Variants in OR9Q1 observed in about 807,000 individuals in gnomAD.
OR9Q1 encodes the protein olfactory receptor family 9 subfamily Q member 1.
For synonymous variants in OR9Q1, 153 were observed against 148.6 expected, an observed-to-expected ratio of 1.03 and a Z score of -0.22; for missense variants, 374 against 378.8, an observed-to-expected ratio of 0.99 and a Z score of 0.11.
chr11:58,155,138 G>A (rs1854395995), intron 2 of OR9Q1, among the ~76,000 whole-genome samples: 1 of 152,170 alleles, frequency 6.6e-6, no homozygotes, highest in African/African-American at 2.4e-5. Flanking sequence ...GCAGGCTGAA[G>A]ACTCAGGGAA....
chr11:58,117,104 G>C (rs1442067302), intron 2 of OR9Q1: 3 of 152,134 alleles, frequency 2.0e-5, no homozygotes, highest in Non-Finnish European at 2.9e-5. Flanking sequence ...ATTCTAGCAA[G>C]GGTCCAGGGT....
chr11:58,109,498 A>G (rs1169687227), intron 2 of OR9Q1: 1 of 462,120 alleles, frequency 2.2e-6, no homozygotes, highest in East Asian at 6.8e-5. Context: ...GGGGGTGTGG[A>G]GTTGGGCATC....
intron 2 of OR9Q1, among the ~76,000 whole-genome samples, chr11:58,094,155 C>A (rs1366171448): frequency 6.6e-6 from 1 of 152,100 alleles, no homozygotes; most frequent in African/African-American, 2.4e-5. Flanking sequence ...ATGGATGGAA[C>A]TGGAGGCCAT....
intron 2 of OR9Q1, chr11:58,109,795 C>A (rs561175078): frequency 8.6e-6 from 3 of 349,084 alleles, no homozygotes; most frequent in African/African-American, 6.4e-5. Context: ...AAGTATTTAC[C>A]ATCTTGAGTC....
chr11:58,025,729 GGT>G (rs1852967292), intron 1 of OR9Q1, among the ~76,000 whole-genome samples: 2 of 152,186 alleles, frequency 1.3e-5, no homozygotes, highest in Admixed American at 1.3e-4. Context: ...TCAGTTAGAA[GGT>G]GGTGGAGCTG....
chr11:58,034,783 C>T (rs370872282), intron 1 of OR9Q1, among the ~76,000 whole-genome samples: 712 of 15,870 alleles, frequency 0.045, 9 homozygotes, highest in Middle Eastern at 0.16. Context: ...CCTTCCCTCC[C>T]TCCTTTCTCC....
chr11:58,161,438 G>A lies in OR9Q1; in HGVS notation c.-14-17993G>A, dbSNP rs75488964. Among the ~76,000 whole-genome samples, 8 of 152,146 alleles carry A rather than the reference G, an allele frequency of 5.3e-5. No individual in the cohort carries two copies. In the East Asian group the frequency reaches 1.4e-3, roughly 26 times the overall value. ...CAGAAAATACTGCCTGAATTCTCAC[G>A]GGATTTCCAGTGGGAAATCTTCAGC... On this transcript the variant is annotated intron_variant, in intron 2 of 2. Transcript: ENST00000335397.
In OR9Q1 at chr11:58,179,422, A is replaced by G; in HGVS notation, c.-14-9A>G. ...CTTCCTAACTTGCTTCCCATTCTAC[A>G]TGTCTCAGGGACCACTGGTGTCATG... On this transcript the variant is annotated splice_polypyrimidine_tract_variant and intron_variant, in intron 2 of 2. Coordinates refer to ENST00000335397, the MANE Select transcript of OR9Q1 (RefSeq NM_001005212.4). 6 of 1,492,356 alleles carry G rather than the reference A, an allele frequency of 4.0e-6. No homozygotes were observed. The highest frequency in any genetic ancestry group is 5.4e-6 in the Non-Finnish European group (6 of 1,105,422). The allele number at this position is 1,492,356 out of a possible 1,614,324, so 92.4% of individuals were successfully genotyped here.
intron 2 of OR9Q1, chr11:58,119,331 G>C (rs200916365): frequency 1.1e-5 from 17 of 1,613,686 alleles, no homozygotes; most frequent in Middle Eastern, 1.7e-4. Flanking sequence ...TCCCAAGAAG[G>C]GTGACTAGGT....
chr11:58,112,359 A>G (rs1011018794), intron 2 of OR9Q1, among the ~76,000 whole-genome samples: 2 of 152,202 alleles, frequency 1.3e-5, no homozygotes, highest in African/African-American at 4.8e-5. Context: ...TAAGTGATTC[A>G]ATATGGGAAC....
At chr11:58,166,027 C>T (rs531245293) in intron 2 of OR9Q1, among the ~76,000 whole-genome samples, 30 of 152,274 alleles carry the variant, frequency 2.0e-4, no homozygotes, top group South Asian at 4.1e-4. Flanking sequence ...CGGTGGGTCA[C>T]CAAAAAGTCT....
intron 2 of OR9Q1, among the ~76,000 whole-genome samples, chr11:58,156,918 T>A (rs1854413524): frequency 6.6e-6 from 1 of 152,188 alleles, no homozygotes; most frequent in South Asian, 2.1e-4. Context: ...AGGGAAAGGG[T>A]GTGGATGATG....
At chr11:58,061,759 A>G (rs527541146) in intron 2 of OR9Q1, among the ~76,000 whole-genome samples, 62 of 152,348 alleles carry the variant, frequency 4.1e-4, no homozygotes, top group African/African-American at 1.4e-3. Context: ...GATGTAACAC[A>G]TTTGGAGCTC....
At chr11:58,116,085 G>A (rs1853951510) in intron 2 of OR9Q1, among the ~76,000 whole-genome samples, 1 of 152,142 alleles carries the variant, frequency 6.6e-6, no homozygotes, top group Non-Finnish European at 1.5e-5. Flanking sequence ...GAAGCCCGAG[G>A]ATAGGCAGCC....
chr11:58,179,344 C>T (rs1175857236), intron 2 of OR9Q1, 87 bp from the exon 3 acceptor site: 6 of 845,128 alleles, frequency 7.1e-6, no homozygotes, highest in Non-Finnish European at 1.9e-6. Flanking sequence ...ATTTTGTCCA[C>T]AGTACATTTT....
At chr11:58,134,106 A>G (rs1483299110) in intron 2 of OR9Q1, among the ~76,000 whole-genome samples, 2 of 152,172 alleles carry the variant, frequency 1.3e-5, no homozygotes, top group African/African-American at 4.8e-5. Flanking sequence ...TAGGGATGAA[A>G]GGGCCCCAGC....
chr11:58,108,629 T>C (rs1853865603), intron 2 of OR9Q1: 1 of 192,156 alleles, frequency 5.2e-6, no homozygotes. Flanking sequence ...CTGTACATTG[T>C]TGAGGGAAAT....
chr11:58,109,313 C>G, intron 2 of OR9Q1: 1 of 461,488 alleles, frequency 2.2e-6, no homozygotes, highest in South Asian at 1.5e-5. Context: ...TAGGCCATCA[C>G]TGACAGCAGG....
At chr11:58,140,490 C>T (rs1263542489) in intron 2 of OR9Q1, among the ~76,000 whole-genome samples, 1 of 152,118 alleles carries the variant, frequency 6.6e-6, no homozygotes. Flanking sequence ...AATCCAGTTT[C>T]AGCTTTCTAC....
Sources: allele counts gnomAD v4.1 joint callset (sites outside exome capture counted in the v4.1 genomes callset), GRCh38; gene constraint gnomAD v4.1.1; transcripts MANE v1.5; gene names NCBI Gene and HGNC (gene_info 2026-07-23, HGNC 2026-07-21).